The following TMEM196 variants were observed in gnomAD, a reference collection of about 807,000 sequenced individuals.
The protein encoded by TMEM196 is transmembrane protein 196.
Under a neutral mutation model 20.0 loss-of-function variants are expected in TMEM196, and 17 were observed. The ratio of observed to expected loss-of-function variants is 0.85; its 90% CI spans 0.58 to 1.27. TMEM196 has a LOEUF of 1.27. TMEM196 is among the 50% of genes most tolerant of loss of function. The pLI, the probability that TMEM196 is intolerant of heterozygous loss-of-function variation, is 0.00. For missense variants in TMEM196, 267 were observed against 223.0 expected, an observed-to-expected ratio of 1.20 and a Z score of -1.26; for synonymous variants, 113 against 88.9, an observed-to-expected ratio of 1.27 and a Z score of -1.52.
chr7:19,734,018 C>T (rs2128018766), intron 1 of TMEM196, among the ~76,000 whole-genome samples: 1 of 152,246 alleles, frequency 6.6e-6, no homozygotes, highest in Non-Finnish European at 1.5e-5. Context: ...ATACCCTCCA[C>T]CCCAACCCTG....
At position 19,772,584 on chromosome 7, in the gene TMEM196, C is replaced by T. The variant is rs945161488; in HGVS notation, c.113G>A (p.Arg38Gln). The T allele has an allele frequency of 1.4e-5, 22 of 1,546,228 alleles. No homozygotes were observed. Among genetic ancestry groups the T allele is most frequent in the South Asian group, 6.0e-5 (5 of 83,428 alleles). ...VGAVSFSLAL[R>Q]EHKPQLGDSS... ...GTCTCCGAGCTGCGGCTTGTGCTCT[C>T]GGAGGGCCAGGCTGAAGCTGACCGC... Residue 38 changes from arginine (R) to glutamine (Q), a missense_variant, in exon 1 of 5, where the codon CGA becomes CAA. By Grantham distance (43) the Arg-to-Gln change is conservative (BLOSUM62 1). Transcript: ENST00000405844.
At chr7:19,766,537 A>G (rs1039192390) in intron 1 of TMEM196, among the ~76,000 whole-genome samples, 2 of 150,976 alleles carry the variant, frequency 1.3e-5, no homozygotes, top group African/African-American at 4.9e-5. Context: ...TATAAAATAT[A>G]TAGGATCATA....
intron 1 of TMEM196, among the ~76,000 whole-genome samples, chr7:19,730,620 C>T (rs888352099): frequency 6.6e-6 from 1 of 152,168 alleles, no homozygotes; most frequent in Non-Finnish European, 1.5e-5. Context: ...TCAGAACTAA[C>T]AATATAGCTT....
intron 1 of TMEM196, among the ~76,000 whole-genome samples, chr7:19,761,112 C>G (rs1165860317): frequency 1.3e-5 from 2 of 152,232 alleles, no homozygotes; most frequent in African/African-American, 4.8e-5. Context: ...ATCCCTGAGC[C>G]TTCCTTGCCT....
rs1785964400 is a variant in TMEM196, at chr7:19,773,222, G to C, written c.-526C>G. On this transcript the variant is annotated 5_prime_UTR_variant, in exon 1 of 5. Transcript: ENST00000405844. Reference sequence around the variant, plus strand: ...CTCTCCCGTTCGTCACCTCTCCTTTGTTTTCGTGGCAATGCGAAGTGCTTC... The same window carrying C: ...CTCTCCCGTTCGTCACCTCTCCTTTCTTTTCGTGGCAATGCGAAGTGCTTC... 1 of 152,498 alleles carries C rather than the reference G, an allele frequency of 6.6e-6. No individual in the cohort carries two copies. Among genetic ancestry groups the C allele is most frequent in the African/African-American group, 2.4e-5 (1 of 41,464 alleles). The allele number at this position is 152,498 out of a possible 1,614,324, so 9.4% of individuals were successfully genotyped here.
intron 3 of TMEM196, among the ~76,000 whole-genome samples, 192 bp downstream of exon 3, chr7:19,725,322 T>A (rs534685819): frequency 6.6e-6 from 1 of 152,180 alleles, no homozygotes; most frequent in African/African-American, 2.4e-5. Flanking sequence ...GACTACAAAA[T>A]GTTGTTGAAA....
At position 19,772,872 on chromosome 7, in the gene TMEM196, CTGGG is replaced by C; in HGVS notation, c.-180_-177del. The C allele has an allele frequency of 1.8e-6, 1 of 550,456 alleles. No homozygotes were observed. The highest frequency in any genetic ancestry group is 2.8e-6 in the Non-Finnish European group (1 of 355,454). The allele number at this position is 550,456 out of a possible 1,614,324, so 34.1% of individuals were successfully genotyped here. A position where few individuals can be genotyped will look rare whatever the true frequency, so the allele number is the denominator to read the frequency against. Reference sequence around the variant, plus strand: ...TTCCAGAAACGAAGACCTTCCCTGGCTGGGCCAGAGGCAAAGGAGCTGCTCCACC... The same window carrying C: ...TTCCAGAAACGAAGACCTTCCCTGGCCCAGAGGCAAAGGAGCTGCTCCACC... On this transcript the variant is annotated 5_prime_UTR_variant, in exon 1 of 5. Coordinates refer to ENST00000405844, the MANE Select transcript of TMEM196 (RefSeq NM_001363562.2).
intron 3 of TMEM196, among the ~76,000 whole-genome samples, chr7:19,724,912 T>G (rs1783938916): frequency 6.6e-6 from 1 of 152,218 alleles, no homozygotes; most frequent in African/African-American, 2.4e-5. Flanking sequence ...ATACAATTAA[T>G]TTAACTTCCT....
chr7:19,725,606 AG>A lies in TMEM196; in HGVS notation c.366del (p.Trp123GlyfsTer6), dbSNP rs1783970546. 6.2e-7 allele frequency: 1 copy of A among 1,614,130 alleles called. No individual in the cohort carries two copies. The highest frequency in any genetic ancestry group is 8.5e-7 in the Non-Finnish European group (1 of 1,180,008). The stretch of plus-strand genomic sequence containing the variant: ...TAACTGGCTAGTCGACAAGTGAGCC[AG>A]GAAGAGAGAGTGCAGCCCCCGATCC... ...CIGIGGCTLS[S>X]WLTCRLASYE... On this transcript the variant is annotated frameshift_variant, in exon 3 of 5. Transcript: ENST00000405844. LOFTEE classifies it high-confidence loss of function.
intron 1 of TMEM196, among the ~76,000 whole-genome samples, chr7:19,751,353 T>C (rs9332392): frequency 0.5 from 75,455 of 152,078 alleles, 23,078 homozygotes; most frequent in East Asian, 0.97. Flanking sequence ...CCACAAAGGT[T>C]TGGAATATAA....
intron 1 of TMEM196, among the ~76,000 whole-genome samples, chr7:19,746,301 T>C (rs1249021143): frequency 1.3e-5 from 2 of 152,140 alleles, no homozygotes; most frequent in African/African-American, 4.8e-5. Flanking sequence ...AGTAAATGAG[T>C]ACCACGTGGG....
intron 1 of TMEM196, among the ~76,000 whole-genome samples, chr7:19,750,033 A>T (rs1369694969): frequency 6.6e-6 from 1 of 152,194 alleles, no homozygotes; most frequent in Non-Finnish European, 1.5e-5. Context: ...TGAAGATTTT[A>T]TACCCAGCAT....
At position 19,725,600 on chromosome 7, in the gene TMEM196, T is replaced by A; in HGVS notation, c.373A>T (p.Thr125Ser). ...IGGCTLSSWL[T>S]CRLASYEQRR... ...TGTTCATAACTGGCTAGTCGACAAG[T>A]GAGCCAGGAAGAGAGAGTGCAGCCC... Residue 125 changes from threonine (T) to serine (S), a missense_variant, in exon 3 of 5, where the codon ACT becomes TCT. Thr to Ser is a moderately conservative substitution (Grantham distance 58). Transcript: ENST00000405844. The A allele has an allele frequency of 6.2e-7, 1 of 1,614,062 alleles. No homozygotes were observed. The highest frequency in any genetic ancestry group is 8.5e-7 in the Non-Finnish European group (1 of 1,179,978).
In TMEM196 at chr7:19,739,195, T is replaced by A. The variant is rs1309268884; in HGVS notation, c.148-9757A>T. Reference sequence around the variant, plus strand: ...AAGGTGGAAGTGAAACTATCATTATTTGCAGACAATATAATTGATATATGA... The same window carrying A: ...AAGGTGGAAGTGAAACTATCATTATATGCAGACAATATAATTGATATATGA... On this transcript the variant is annotated intron_variant, in intron 1 of 4. Transcript: ENST00000405844. Among the ~76,000 whole-genome samples, 3 of 152,150 alleles carry A rather than the reference T, an allele frequency of 2.0e-5. No individual in the cohort carries two copies. The East Asian group carries it at 5.8e-4, about 29-fold the overall frequency.
Position 19,720,209 on chromosome 7 carries a change from G to A in TMEM196, c.*1919C>T, listed in dbSNP as rs760636804. ...ATGGACAACTTCTGTAATCTACTAGGCAATGAAGTTATCCAAAGGAATTGG... is the reference window on the plus strand; with the variant it reads ...ATGGACAACTTCTGTAATCTACTAGACAATGAAGTTATCCAAAGGAATTGG... On this transcript the variant is annotated 3_prime_UTR_variant, in exon 5 of 5. Coordinates refer to ENST00000405844, the MANE Select transcript of TMEM196 (RefSeq NM_001363562.2). The A allele has an allele frequency of 6.6e-6, 1 of 151,940 alleles. No individual in the cohort carries two copies. The highest frequency in any genetic ancestry group is 2.4e-5 in the African/African-American group (1 of 41,406). The allele number at this position is 151,940 out of a possible 1,614,324, so 9.4% of individuals were successfully genotyped here.
At chr7:19,745,935 A>C (rs962041876) in intron 1 of TMEM196, among the ~76,000 whole-genome samples, 31 of 151,868 alleles carry the variant, frequency 2.0e-4, no homozygotes, top group African/African-American at 7.3e-4. Flanking sequence ...AACTCAGAGG[A>C]CCTATATTTT....
chr7:19,750,887 C>T (rs1436859383), intron 1 of TMEM196, among the ~76,000 whole-genome samples: 1 of 152,048 alleles, frequency 6.6e-6, no homozygotes, highest in Non-Finnish European at 1.5e-5. Context: ...AACGCTATTT[C>T]CTTGAAAAGT....
chr7:19,764,620 T>G (rs1785553743), intron 1 of TMEM196, among the ~76,000 whole-genome samples: 1 of 152,216 alleles, frequency 6.6e-6, no homozygotes, highest in African/African-American at 2.4e-5. Context: ...TTATGCCTTT[T>G]ATTATGAACT....
At chr7:19,742,856 A>G (rs1784625763) in intron 1 of TMEM196, among the ~76,000 whole-genome samples, 1 of 152,140 alleles carries the variant, frequency 6.6e-6, no homozygotes, top group Non-Finnish European at 1.5e-5. Context: ...CACATACTCT[A>G]AGGACTCCCT....
Sources: gnomAD v4.1 joint callset for allele counts (sites outside exome capture counted in the v4.1 genomes callset) on GRCh38, gnomAD v4.1.1 for gene constraint, MANE v1.5 for transcripts, NCBI Gene and HGNC (gene_info 2026-07-23, HGNC 2026-07-21) for gene names.